TRIM31: variants seen among roughly 807,000 people sequenced by gnomAD.
TRIM31 encodes E3 ubiquitin-protein ligase TRIM31.
TRIM31 carries 31 observed loss-of-function variants against 40.6 expected under a neutral mutation model. The observed-to-expected ratio is 0.76, with a 90% CI of 0.57 to 1.03. TRIM31 has a LOEUF of 1.03. Among genes scored for constraint, TRIM31 ranks in the 50% least tolerant of loss-of-function variants. TRIM31 has a pLI of 0.00. For missense variants in TRIM31, 455 were observed against 497.5 expected, an observed-to-expected ratio of 0.91 and a Z score of 0.81; for synonymous variants, 164 against 193.9, an observed-to-expected ratio of 0.85 and a Z score of 1.28.
intron 5 of TRIM31, among the ~76,000 whole-genome samples, chr6:30,108,587 A>C (rs1368531699): frequency 7.2e-6 from 1 of 139,194 alleles, no homozygotes; most frequent in Non-Finnish European, 1.6e-5. Flanking sequence ...AAAAAAAAGA[A>C]GACCTGGCGG....
At chr6:30,105,606 C>T (rs1261560312) in intron 6 of TRIM31, 1 of 159,282 alleles carries the variant, frequency 6.3e-6, no homozygotes, top group East Asian at 1.8e-4. Context: ...AATGTTATTT[C>T]AACATGTATT....
intron 6 of TRIM31, 119 bp downstream of exon 6, chr6:30,107,934 G>C (rs905574784): frequency 1.5e-6 from 1 of 689,458 alleles, no homozygotes; most frequent in African/African-American, 1.8e-5. Flanking sequence ...CAGAAGCCTG[G>C]CACTAGAAGG....
intron 7 of TRIM31, among the ~76,000 whole-genome samples, chr6:30,104,513 AT>A (rs1454481019): frequency 6.6e-6 from 1 of 152,200 alleles, no homozygotes; most frequent in Non-Finnish European, 1.5e-5. Context: ...TGGCTTTGGA[AT>A]GCATTCTGTA....
intron 7 of TRIM31, 109 bp from the exon 8 acceptor site, chr6:30,104,276 A>C: frequency 1.1e-5 from 12 of 1,099,110 alleles, no homozygotes; most frequent in African/African-American, 3.1e-5. Flanking sequence ...AATGGTTCTC[A>C]GTGGGACCCA....
intron 3 of TRIM31, 25 bp from the exon 4 acceptor site, chr6:30,110,703 G>C: frequency 1.9e-6 from 3 of 1,607,826 alleles, no homozygotes; most frequent in Non-Finnish European, 2.6e-6. Flanking sequence ...CAGGCAGAGG[G>C]TGAGAGGATG....
At chr6:30,110,744 C>T in intron 3 of TRIM31, 66 bp from the exon 4 acceptor site, 3 of 1,440,538 alleles carry the variant, frequency 2.1e-6, no homozygotes, top group Non-Finnish European at 2.9e-6. Context: ...CCACTTTATT[C>T]AGCCATTAAT....
chr6:30,105,878 G>C (rs893371488), intron 6 of TRIM31, among the ~76,000 whole-genome samples: 1 of 152,220 alleles, frequency 6.6e-6, no homozygotes, highest in Admixed American at 6.5e-5. Context: ...AACCACCCAG[G>C]AGCCAGGTGG....
At chr6:30,105,090 A>G in intron 7 of TRIM31, 78 bp downstream of exon 7, 1 of 1,292,204 alleles carries the variant, frequency 7.7e-7, no homozygotes, top group Non-Finnish European at 1.1e-6. Flanking sequence ...GCCTTCATGT[A>G]ATCATAGAGA....
In TRIM31 at chr6:30,104,247, A is replaced by G; in HGVS notation, c.959-80T>C. On this transcript the variant is annotated intron_variant, in intron 7 of 8. Coordinates refer to ENST00000376734, the MANE Select transcript of TRIM31 (RefSeq NM_007028.5). ...TAAAAACAAAAACAAGCACCCTGCC[A>G]TCATCAATCAGAACAGTCAATGGTT... The G allele has an allele frequency of 8.6e-6, 12 of 1,393,124 alleles. 1 individual carries two copies. In the South Asian group the frequency reaches 1.0e-4, roughly 12 times the overall value. The allele number at this position is 1,393,124 out of a possible 1,614,324, so 86.3% of individuals were successfully genotyped here. A position where few individuals can be genotyped will look rare whatever the true frequency, so the allele number is the denominator to read the frequency against.
intron 8 of TRIM31, 117 bp from the exon 9 acceptor site, chr6:30,103,906 C>A: frequency 6.7e-7 from 1 of 1,499,090 alleles, no homozygotes; most frequent in Non-Finnish European, 9.1e-7. Context: ...AGGTGAAACT[C>A]AAGAAAGTAC....
Position 30,110,316 on chromosome 6 carries a change from G to C in TRIM31, c.744+132C>G, listed in dbSNP as rs982486647. The C allele has an allele frequency of 2.1e-5, 15 of 726,332 alleles. No individual in the cohort carries two copies. The African/African-American group carries it at 2.1e-4, about 10-fold the overall frequency. 45.0% of individuals were successfully genotyped at this position (726,332 alleles called of 1,614,324 possible). A position where few individuals can be genotyped will look rare whatever the true frequency, so the allele number is the denominator to read the frequency against. On this transcript the variant is annotated intron_variant, in intron 4 of 8. Transcript: ENST00000376734. ...TTCTAATACATGCGGCTCACATATT[G>C]CTATTGGACAGCACTGGGCTAGAGG...
At position 30,112,347 on chromosome 6, in the gene TRIM31, C is replaced by T. The variant is rs540250708; in HGVS notation, c.417+42G>A. On this transcript the variant is annotated intron_variant, in intron 2 of 8. Transcript: ENST00000376734. ...CAGTTTCCAGGGCCTCACTGAACTC[C>T]TGGGCTGATGGGGGAACAGGGAAGA... The T allele has an allele frequency of 9.4e-5, 148 of 1,572,698 alleles. 2 individuals carry two copies. The East Asian group carries it at 3.3e-3, about 35-fold the overall frequency.
intron 6 of TRIM31, 27 bp from the exon 7 acceptor site, chr6:30,105,269 G>T: frequency 6.3e-7 from 1 of 1,589,454 alleles, no homozygotes; most frequent in Non-Finnish European, 8.6e-7. Context: ...GGGATGAAAT[G>T]GTGAGAGTCC....
At chr6:30,110,303 C>T (rs921995708) in intron 4 of TRIM31, 145 bp downstream of exon 4, 10 of 653,364 alleles carry the variant, frequency 1.5e-5, no homozygotes, top group African/African-American at 3.6e-5. Flanking sequence ...CTAATACATG[C>T]GGCTCACATA....
chr6:30,109,589 T>C (rs1000968488), intron 4 of TRIM31, among the ~76,000 whole-genome samples: 1 of 152,074 alleles, frequency 6.6e-6, no homozygotes, highest in Non-Finnish European at 1.5e-5. Flanking sequence ...AAATTTAAAT[T>C]AAAAATAGAG....
At chr6:30,107,939 A>C in intron 6 of TRIM31, 114 bp downstream of exon 6, 2 of 698,914 alleles carry the variant, frequency 2.9e-6, no homozygotes, top group Non-Finnish European at 5.0e-6. Flanking sequence ...GCCTGGCACT[A>C]GAAGGGCCCA....
intron 6 of TRIM31, among the ~76,000 whole-genome samples, chr6:30,106,793 T>C (rs2127384124): frequency 6.6e-6 from 1 of 152,236 alleles, no homozygotes; most frequent in Middle Eastern, 3.4e-3. Context: ...ATTCTTGACC[T>C]GAAGAGCCTA....
intron 3 of TRIM31, chr6:30,111,356 G>A (rs1769293401): frequency 1.5e-5 from 6 of 410,818 alleles, no homozygotes; most frequent in Non-Finnish European, 2.2e-5. Context: ...TTCTAATTGG[G>A]GAATCCGTTG....
At chr6:30,105,133 A>G (rs1768547654) in intron 7 of TRIM31, 35 bp downstream of exon 7, 1 of 1,587,290 alleles carries the variant, frequency 6.3e-7, no homozygotes, top group Non-Finnish European at 8.6e-7. Flanking sequence ...CTTTCCCCAA[A>G]TGGCAGAAGC....
Sources: allele counts gnomAD v4.1 joint callset (sites outside exome capture counted in the v4.1 genomes callset), GRCh38; gene constraint gnomAD v4.1.1; transcripts MANE v1.5; gene names NCBI Gene and HGNC (gene_info 2026-07-23, HGNC 2026-07-21).